Variants in NOX4 observed in about 807,000 individuals in gnomAD.
The protein encoded by NOX4 is NADPH oxidase 4, also known as kidney oxidase-1.
NOX4 carries 69 observed loss-of-function variants against 87.6 expected under a neutral mutation model. The observed-to-expected ratio is 0.79, with a 90% CI of 0.65 to 0.96. The LOEUF (loss-of-function observed/expected upper bound fraction) is 0.96. Ranked by LOEUF, NOX4 falls within the 40% of genes least tolerant of loss-of-function variation. The probability of loss-of-function intolerance (pLI) is 0.00; values close to 1 mark genes in which losing one functional copy is unlikely to be tolerated. For synonymous variants in NOX4, 275 were observed against 238.2 expected (o/e 1.15, Z -1.42); for missense variants, 680 against 681.5 (o/e 1.00, Z 0.02).
the NOX4 span, among the ~76,000 whole-genome samples, chr11:89,560,961 CGTCTCTCTCTCTCTCT>C: frequency 3.8e-5 from 2 of 52,560 alleles, no homozygotes; most frequent in Non-Finnish European, 6.4e-5. Context: ...CATCTCATCT[CGTCTCTCTCTCTCTCT>C]CTCTCTCTCT....
chr11:89,499,721 C>A (rs1008043200), upstream of NOX4, among the ~76,000 whole-genome samples: 1 of 152,108 alleles, frequency 6.6e-6, no homozygotes, highest in Non-Finnish European at 1.5e-5. Flanking sequence ...CTGTATAATA[C>A]GTTGGTTTAT....
At chr11:89,560,172 A>C in the NOX4 span, among the ~76,000 whole-genome samples, 2 of 152,126 alleles carry the variant, frequency 1.3e-5, no homozygotes, top group African/African-American at 4.8e-5. Context: ...AAAAACACAC[A>C]GGGAGAATGC....
At chr11:89,464,392 AG>A (rs1289714016) in intron 2 of NOX4, among the ~76,000 whole-genome samples, 1 of 152,188 alleles carries the variant, frequency 6.6e-6, no homozygotes, top group Non-Finnish European at 1.5e-5. Flanking sequence ...AGAGTACAAA[AG>A]GTTCTCATTC....
chr11:89,561,806 G>A, the NOX4 span, among the ~76,000 whole-genome samples: 1 of 152,120 alleles, frequency 6.6e-6, no homozygotes, highest in African/African-American at 2.4e-5. Flanking sequence ...ATGTCAGATG[G>A]CAATAAATAC....
rs540286938 is a variant in NOX4 at position 89,435,620 on chromosome 11, G to A, written c.476-2764C>T. On this transcript the variant is annotated intron_variant, in intron 6 of 17. Coordinates refer to ENST00000263317, the MANE Select transcript of NOX4 (RefSeq NM_016931.5). ...CTTAAACTTATTAGATCAGAGTATT[G>A]CTTTTAGGTCAGAACATGAAAACAT... 2.6e-5 allele frequency among the ~76,000 whole-genome samples: 4 copies of A among 152,132 alleles called. No individual in the cohort carries two copies. In the South Asian group the frequency reaches 8.3e-4, roughly 32 times the overall value.
chr11:89,384,568 C>T (rs1199397372), intron 11 of NOX4, among the ~76,000 whole-genome samples: 1 of 152,090 alleles, frequency 6.6e-6, no homozygotes, highest in Non-Finnish European at 1.5e-5. Flanking sequence ...CCTACTTTTA[C>T]CATCCTGACT....
the NOX4 span, among the ~76,000 whole-genome samples, chr11:89,531,108 C>T: frequency 2.6e-5 from 4 of 152,124 alleles, no homozygotes; most frequent in Non-Finnish European, 4.4e-5. Flanking sequence ...TCTAAGAGTT[C>T]TAACACCAAA....
chr11:89,573,528 C>T, the NOX4 span, among the ~76,000 whole-genome samples: 3,962 of 152,220 alleles, frequency 0.026, 172 homozygotes, highest in African/African-American at 0.091. Flanking sequence ...AGCTGTTTTG[C>T]TTCTGATGCA....
At chr11:89,452,268 C>T (rs1944995160) in intron 2 of NOX4, among the ~76,000 whole-genome samples, 1 of 152,146 alleles carries the variant, frequency 6.6e-6, no homozygotes, top group Admixed American at 6.6e-5. Flanking sequence ...ACCCTTTATT[C>T]ACTGATAAGG....
chr11:89,455,226 A>T (rs1304729490), intron 2 of NOX4, among the ~76,000 whole-genome samples: 4 of 151,102 alleles, frequency 2.6e-5, no homozygotes, highest in Non-Finnish European at 5.9e-5. Context: ...ATATGAATTA[A>T]TGTGTTTGTG....
chr11:89,442,754 T>C (rs1944512125), intron 5 of NOX4, among the ~76,000 whole-genome samples: 1 of 152,138 alleles, frequency 6.6e-6, no homozygotes, highest in Admixed American at 6.6e-5. Context: ...AGAAAATAAA[T>C]TTAATAACTG....
intron 2 of NOX4, among the ~76,000 whole-genome samples, chr11:89,457,279 C>T (rs1945249318): frequency 6.6e-6 from 1 of 152,216 alleles, no homozygotes; most frequent in African/African-American, 2.4e-5. Context: ...TGCAGGAGTG[C>T]CCTGTTACCC....
the NOX4 span, among the ~76,000 whole-genome samples, chr11:89,553,955 G>A: frequency 2.1e-4 from 32 of 150,220 alleles, no homozygotes; most frequent in South Asian, 1.9e-3. Context: ...ACTCCTATCC[G>A]CTCACGGAAA....
chr11:89,546,251 G>A, the NOX4 span, among the ~76,000 whole-genome samples: 1 of 152,042 alleles, frequency 6.6e-6, no homozygotes, highest in African/African-American at 2.4e-5. Context: ...CAGGCACTGT[G>A]TTTGGTGATA....
intron 12 of NOX4, among the ~76,000 whole-genome samples, chr11:89,365,626 C>T (rs934389134): frequency 1.3e-5 from 2 of 150,846 alleles, no homozygotes; most frequent in African/African-American, 4.9e-5. Flanking sequence ...TCAAAAGAAA[C>T]ACCTCAGACT....
rs1278207023 is a variant in NOX4 at position 89,324,527 on chromosome 11, T to C, written c.*2229A>G. 1 of 152,190 alleles carries C rather than the reference T, an allele frequency of 6.6e-6. No homozygotes were observed. The highest frequency in any genetic ancestry group is 1.9e-4 in the East Asian group (1 of 5,186). 9.4% of individuals were successfully genotyped at this position (152,190 alleles called of 1,614,324 possible). A position where few individuals can be genotyped will look rare whatever the true frequency, so the allele number is the denominator to read the frequency against. ...TAACATTTAACATTTGAACACCTAC[T>C]GGAACTTAAATAAGCAAGGAGGCTC... On this transcript the variant is annotated 3_prime_UTR_variant, in exon 18 of 18. Transcript: ENST00000263317.
At chr11:89,343,687 T>TCTTTAAAAGAATGTTATGTTG (rs1465649209) in intron 13 of NOX4, among the ~76,000 whole-genome samples, 1 of 152,176 alleles carries the variant, frequency 6.6e-6, no homozygotes, top group African/African-American at 2.4e-5. Flanking sequence ...TAGTACATGT[T>TCTTTAAAAGAATGTTATGTTG]CTTTAAAAGA....
At chr11:89,525,889 T>A in the NOX4 span, among the ~76,000 whole-genome samples, 31 of 152,262 alleles carry the variant, frequency 2.0e-4, no homozygotes, top group African/African-American at 7.0e-4. Context: ...ATATTTTCTG[T>A]ATTGTATGAG....
At chr11:89,428,764 T>C (rs1278965437) in intron 7 of NOX4, among the ~76,000 whole-genome samples, 1 of 152,120 alleles carries the variant, frequency 6.6e-6, no homozygotes, top group East Asian at 1.9e-4. Flanking sequence ...ACAATAATAA[T>C]GGGAGACTAT....
Sources: allele counts gnomAD v4.1 joint callset (sites outside exome capture counted in the v4.1 genomes callset), GRCh38; gene constraint gnomAD v4.1.1; transcripts MANE v1.5; gene names NCBI Gene and HGNC (gene_info 2026-07-23, HGNC 2026-07-21).